The following CCSER2 variants were observed in gnomAD, a reference collection of about 807,000 sequenced individuals.
CCSER2 encodes coiled-coil serine rich protein 2.
In CCSER2, 46 loss-of-function variants were observed where a neutral mutation model predicts 92.3. The ratio of observed to expected loss-of-function variants is 0.50; its 90% CI spans 0.39 to 0.64. The LOEUF is 0.64. CCSER2 is among the 30% of genes least tolerant of loss of function. The pLI, the probability that CCSER2 is intolerant of heterozygous loss-of-function variation, is 0.00. For synonymous variants in CCSER2, 433 were observed against 431.4 expected (o/e 1.00, Z -0.04); for missense variants, 1,244 against 1,238.9 (o/e 1.00, Z -0.06).
At chr10:84,513,335 A>G (rs770160162) in intron 9 of CCSER2, 114 bp from the exon 10 acceptor site, 192 of 782,934 alleles carry the variant, frequency 2.5e-4, no homozygotes, top group Admixed American at 8.4e-4. Context: ...GAAACTCCAC[A>G]TATTTTCCAT....
In CCSER2 at chr10:84,514,073, C is replaced by T. The variant is rs186806128; in HGVS notation, c.2950C>T (p.Pro984Ser). The change falls in exon 10 of 10, where the codon CCC becomes TCC. Residue 984 changes from proline to serine, a missense_variant. Pro to Ser is a moderately conservative substitution (Grantham distance 74). Transcript: ENST00000372088. ...TCTGAAAGCATCTAAGCTCCGCCCC[C>T]CCTCAGGCTCTTTCAAACAAAAACA... ...QNLKASKLRP[P>S]SGSFKQKQTN... 2.5e-5 allele frequency: 39 copies of T among 1,536,234 alleles called. No individual in the cohort carries two copies. The East Asian group carries it at 9.0e-4, about 36-fold the overall frequency.
chr10:84,514,263 A>G lies in CCSER2; in HGVS notation c.3140A>G (p.His1047Arg), dbSNP rs750948081. The change falls in exon 10 of 10, where the codon CAT becomes CGT. Residue 1047 changes from histidine (H) to arginine (R), a missense_variant. Transcript: ENST00000372088. ...RYSRLPKPKI[H>R] ...TCTCGTCTTCCTAAACCAAAGATAC[A>G]TTAAGTACATAGCCATCACCTGCCA... 1.6e-5 allele frequency: 25 copies of G among 1,531,538 alleles called. No individual in the cohort carries two copies. In the Middle Eastern group the frequency reaches 1.5e-3, roughly 92 times the overall value. 94.9% of individuals were successfully genotyped at this position (1,531,538 alleles called of 1,614,324 possible).
chr10:84,441,753 T>G (rs1275295489), intron 6 of CCSER2, among the ~76,000 whole-genome samples: 1 of 79,008 alleles, frequency 1.3e-5, no homozygotes, highest in Admixed American at 1.2e-4. Context: ...TTTTTTTTTT[T>G]TTTTTTTTTT....
intron 6 of CCSER2, among the ~76,000 whole-genome samples, chr10:84,457,338 T>C (rs1845767467): frequency 2.3e-5 from 1 of 43,418 alleles, no homozygotes; most frequent in East Asian, 1.7e-3. Flanking sequence ...TAATATATTA[T>C]ATATTATATA....
chr10:84,379,514 T>C (rs1003504569), intron 3 of CCSER2, among the ~76,000 whole-genome samples: 1 of 152,198 alleles, frequency 6.6e-6, no homozygotes, highest in Non-Finnish European at 1.5e-5. Flanking sequence ...CCTTTCTCCC[T>C]TCTCTGGCAT....
intron 3 of CCSER2, among the ~76,000 whole-genome samples, chr10:84,386,682 GATT>G (rs1841228703): frequency 6.6e-6 from 1 of 152,204 alleles, no homozygotes; most frequent in African/African-American, 2.4e-5. Flanking sequence ...GGTGCGCTGA[GATT>G]ATGTCACTGC....
chr10:84,470,796 A>T (rs906047506), intron 8 of CCSER2, among the ~76,000 whole-genome samples: 3 of 151,974 alleles, frequency 2.0e-5, no homozygotes, highest in Non-Finnish European at 4.4e-5. Context: ...AGAACAGGGT[A>T]TTTTCTCTCT....
At chr10:84,385,796 A>G (rs1841169428) in intron 3 of CCSER2, among the ~76,000 whole-genome samples, 1 of 152,222 alleles carries the variant, frequency 6.6e-6, no homozygotes, top group Non-Finnish European at 1.5e-5. Context: ...AACAGAGTAA[A>G]CAGACAACCT....
chr10:84,358,875 G>A (rs1301365116), intron 1 of CCSER2, among the ~76,000 whole-genome samples: 1 of 151,882 alleles, frequency 6.6e-6, no homozygotes, highest in Non-Finnish European at 1.5e-5. Context: ...ATTTTCCTTT[G>A]GTGTCAGGCA....
intron 1 of CCSER2, among the ~76,000 whole-genome samples, chr10:84,331,887 A>G (rs1467924277): frequency 6.6e-6 from 1 of 152,144 alleles, no homozygotes; most frequent in Non-Finnish European, 1.5e-5. Flanking sequence ...CCTTTAGATG[A>G]TTATACAGTG....
chr10:84,451,724 T>A (rs948039415), intron 6 of CCSER2, among the ~76,000 whole-genome samples: 3 of 152,196 alleles, frequency 2.0e-5, no homozygotes, highest in African/African-American at 7.2e-5. Context: ...AAATACTATT[T>A]GCTTAGAATA....
At chr10:84,330,784 G>GAT (rs1276969427) in intron 1 of CCSER2, among the ~76,000 whole-genome samples, 1 of 152,084 alleles carries the variant, frequency 6.6e-6, no homozygotes, top group East Asian at 1.9e-4. Context: ...GGGATTGTAG[G>GAT]CTGGTTAGGA....
chr10:84,347,324 A>T (rs1844547415), intron 1 of CCSER2, among the ~76,000 whole-genome samples: 1 of 152,134 alleles, frequency 6.6e-6, no homozygotes, highest in Non-Finnish European at 1.5e-5. Flanking sequence ...GGCCAGGCAC[A>T]GGGGCTCCTC....
chr10:84,370,914 G>T, intron 1 of CCSER2, 100 bp from the exon 2 acceptor site: 1 of 524,440 alleles, frequency 1.9e-6, no homozygotes, highest in East Asian at 3.2e-5. Context: ...TAGCTTTTGG[G>T]TTTTTCTGCG....
rs552505927 is a variant in CCSER2 at position 84,420,924 on chromosome 10, C to T, written c.1705+3063C>T. Reference sequence around the variant, plus strand: ...CTCCAGCCTGGGCGACAGAGCGAGACTCCATCTCAAAAAAAAAAAAAAAAA... The same window carrying T: ...CTCCAGCCTGGGCGACAGAGCGAGATTCCATCTCAAAAAAAAAAAAAAAAA... On this transcript the variant is annotated intron_variant, in intron 4 of 9. Transcript: ENST00000372088. 4.2e-5 allele frequency among the ~76,000 whole-genome samples: 5 copies of T among 120,150 alleles called. No homozygotes were observed. The East Asian group carries it at 1.0e-3, about 24-fold the overall frequency. The allele number at this position is 120,150 out of a possible 152,430, so 78.8% of individuals were successfully genotyped here.
chr10:84,372,867 A>G (rs372372433), intron 2 of CCSER2, among the ~76,000 whole-genome samples: 3 of 152,250 alleles, frequency 2.0e-5, no homozygotes, highest in African/African-American at 2.4e-5. Flanking sequence ...AAAGGGTACA[A>G]TGAGATAATA....
intron 1 of CCSER2, among the ~76,000 whole-genome samples, chr10:84,347,706 G>A (rs1279978703): frequency 6.6e-6 from 1 of 151,698 alleles, no homozygotes; most frequent in East Asian, 2.0e-4. Context: ...CAGACGGGGC[G>A]GCTGCTGGGC....
chr10:84,374,649 G>A (rs1001624540), intron 3 of CCSER2, among the ~76,000 whole-genome samples: 2 of 152,190 alleles, frequency 1.3e-5, no homozygotes, highest in Non-Finnish European at 2.9e-5. Context: ...TCAGCTATGG[G>A]CAAGTGTTAG....
intron 9 of CCSER2, among the ~76,000 whole-genome samples, chr10:84,482,748 A>C (rs1331585444): frequency 6.6e-6 from 1 of 152,220 alleles, no homozygotes; most frequent in Non-Finnish European, 1.5e-5. Flanking sequence ...CAGGGAGAAC[A>C]GGTTAGACCC....
Sources: gnomAD v4.1 joint callset for allele counts (sites outside exome capture counted in the v4.1 genomes callset) on GRCh38, gnomAD v4.1.1 for gene constraint, MANE v1.5 for transcripts, NCBI Gene and HGNC (gene_info 2026-07-23, HGNC 2026-07-21) for gene names.